The following LRTM1 variants were observed in gnomAD, a reference collection of about 807,000 sequenced individuals.
LRTM1 encodes the protein leucine rich repeat transmembrane protein 1, also known as leucine-rich repeat and transmembrane domain-containing protein 1.
Under a neutral mutation model 32.4 loss-of-function variants are expected in LRTM1, and 38 were observed. The ratio of observed to expected loss-of-function variants is 1.17; its 90% CI spans 0.91 to 1.54. The LOEUF (loss-of-function observed/expected upper bound fraction) is 1.54, where lower values mean the gene tolerates loss of function less well. Among genes scored for constraint, LRTM1 ranks in the 40% most tolerant of loss-of-function variants. The pLI is 0.00. For synonymous variants in LRTM1, 186 were observed against 169.9 expected, an observed-to-expected ratio of 1.09 and a Z score of -0.74; for missense variants, 466 against 415.4, an observed-to-expected ratio of 1.12 and a Z score of -1.06.
chr3:54,920,344 G>T (rs907603790), intron 2 of LRTM1, among the ~76,000 whole-genome samples: 2 of 152,184 alleles, frequency 1.3e-5, no homozygotes, highest in African/African-American at 4.8e-5. Flanking sequence ...ACACACCAGG[G>T]TGAGTGGCAG....
intron 2 of LRTM1, 87 bp downstream of exon 2, chr3:54,924,532 C>T (rs542608000): frequency 1.6e-4 from 183 of 1,142,492 alleles, no homozygotes; most frequent in Admixed American, 3.8e-4. Context: ...ACACACTCCT[C>T]CACATTCTTT....
intron 2 of LRTM1, among the ~76,000 whole-genome samples, chr3:54,919,117 G>A (rs1700759629): frequency 6.6e-6 from 1 of 151,976 alleles, no homozygotes; most frequent in African/African-American, 2.4e-5. Flanking sequence ...TTATGACCAA[G>A]AATTCATTAG....
intron 1 of LRTM1, among the ~76,000 whole-genome samples, chr3:54,962,008 C>G (rs1460968476): frequency 6.6e-6 from 1 of 152,036 alleles, no homozygotes; most frequent in African/African-American, 2.4e-5. Context: ...ACTCAGGTCT[C>G]TCTCCCTCTT....
intron 1 of LRTM1, among the ~76,000 whole-genome samples, chr3:54,960,314 T>C (rs1250068726): frequency 6.6e-6 from 1 of 152,170 alleles, no homozygotes; most frequent in Admixed American, 6.5e-5. Context: ...TGCTTTGTTA[T>C]TTAAAAGCAT....
At position 54,956,044 on chromosome 3, in the gene LRTM1, C is replaced by T. The variant is rs116237254; in HGVS notation, c.-222+10884G>A. 5.1e-3 allele frequency among the ~76,000 whole-genome samples: 771 copies of T among 152,304 alleles called. 9 individuals are homozygous for T. The highest frequency in any genetic ancestry group is 0.017 in the African/African-American group (726 of 41,536). Reference sequence around the variant, plus strand: ...CGTGATTACTCCAGAGTGCCGTCCGCCCCTCCTTAATGTTTCCCTGTCTCC... The same window carrying T: ...CGTGATTACTCCAGAGTGCCGTCCGTCCCTCCTTAATGTTTCCCTGTCTCC... On this transcript the variant is annotated intron_variant, in intron 1 of 2. Transcript: ENST00000493075.
chr3:54,940,105 A>C (rs1055984146), intron 1 of LRTM1, among the ~76,000 whole-genome samples: 1 of 152,066 alleles, frequency 6.6e-6, no homozygotes, highest in Admixed American at 6.6e-5. Flanking sequence ...GTCAGGAAAA[A>C]ACCACACACT....
intron 1 of LRTM1, among the ~76,000 whole-genome samples, chr3:54,954,894 G>T (rs983874223): frequency 1.3e-5 from 2 of 152,150 alleles, no homozygotes; most frequent in African/African-American, 4.8e-5. Flanking sequence ...CATGAGAGGC[G>T]CCGATTAACC....
Position 54,919,472 on chromosome 3 carries a change from T to C in LRTM1, c.605-580A>G, listed in dbSNP as rs565276875. On this transcript the variant is annotated intron_variant, in intron 2 of 2. Transcript: ENST00000273286. ...GTTTAGTTCCTGGAATTCGGTACCA[T>C]GAATGTGTCTCCTCAGGCCTCAGAA... Among the ~76,000 whole-genome samples the C allele has an allele frequency of 5.9e-5, 9 of 152,324 alleles. No homozygotes were observed. In the South Asian group the frequency reaches 1.9e-3, roughly 32 times the overall value.
At chr3:54,921,892 G>A (rs1278143699) in intron 2 of LRTM1, among the ~76,000 whole-genome samples, 1 of 152,122 alleles carries the variant, frequency 6.6e-6, no homozygotes, top group Non-Finnish European at 1.5e-5. Context: ...TACCTGTAGT[G>A]TTTGCATTTG....
chr3:54,925,809 A>G (rs1415323728), intron 1 of LRTM1, among the ~76,000 whole-genome samples: 1 of 152,224 alleles, frequency 6.6e-6, no homozygotes, highest in Non-Finnish European at 1.5e-5. Flanking sequence ...CAGTAGCCAC[A>G]TGTGGCTAAT....
At chr3:54,919,602 G>A (rs529208005) in intron 2 of LRTM1, among the ~76,000 whole-genome samples, 1 of 152,038 alleles carries the variant, frequency 6.6e-6, no homozygotes, top group Non-Finnish European at 1.5e-5. Context: ...CTGTTGGTCG[G>A]GGGAATTTGG....
At position 54,918,903 on chromosome 3, in the gene LRTM1, CA is replaced by C. The variant is rs1700750246; in HGVS notation, c.605-12del. The C allele has an allele frequency of 6.6e-7, 1 of 1,515,616 alleles. No individual in the cohort carries two copies. Among genetic ancestry groups the C allele is most frequent in the African/African-American group, 1.4e-5 (1 of 71,728 alleles). The allele number at this position is 1,515,616 out of a possible 1,614,324, so 93.9% of individuals were successfully genotyped here. ...CGTCTGTTAGTCCCCCTTTAAAAAA[CA>C]AAAGCAAAGAACAATAACAAAGCCT... On this transcript the variant is annotated splice_polypyrimidine_tract_variant and intron_variant, in intron 2 of 2. Coordinates refer to ENST00000273286, the MANE Select transcript of LRTM1 (RefSeq NM_020678.4).
intron 2 of LRTM1, among the ~76,000 whole-genome samples, chr3:54,923,915 A>G (rs575558032): frequency 6.6e-6 from 1 of 152,334 alleles, no homozygotes; most frequent in East Asian, 1.9e-4. Context: ...GTGCAAAGCA[A>G]CCACTCACTC....
At chr3:54,951,266 C>T (rs1277529226) in intron 1 of LRTM1, among the ~76,000 whole-genome samples, 1 of 152,156 alleles carries the variant, frequency 6.6e-6, no homozygotes, top group Non-Finnish European at 1.5e-5. Context: ...GACATCTCAC[C>T]CACAAATCCT....
At chr3:54,933,208 C>A (rs1226502947) in intron 1 of LRTM1, among the ~76,000 whole-genome samples, 1 of 152,098 alleles carries the variant, frequency 6.6e-6, no homozygotes, top group Non-Finnish European at 1.5e-5. Flanking sequence ...AAATGACAAT[C>A]CCATTAATCA....
At chr3:54,933,214 A>G (rs1701247294) in intron 1 of LRTM1, among the ~76,000 whole-genome samples, 2 of 152,220 alleles carry the variant, frequency 1.3e-5, no homozygotes, top group African/African-American at 4.8e-5. Flanking sequence ...CAATCCCATT[A>G]ATCATGTATT....
chr3:54,937,168 C>T lies in LRTM1; in HGVS notation c.-221-11953G>A, dbSNP rs530507565. Among the ~76,000 whole-genome samples the T allele has an allele frequency of 6.4e-4, 97 of 152,208 alleles. 1 individual carries two copies. The highest frequency in any genetic ancestry group is 1.9e-4 in the Non-Finnish European group (13 of 68,030). On this transcript the variant is annotated intron_variant, in intron 1 of 2. Transcript: ENST00000493075. ...AAGGTGTGCTCAAGGGACTCTCATT[C>T]TGGACCCCTTTGTGTGTATTCTTTC...
chr3:54,922,978 A>G (rs542206671), intron 2 of LRTM1, among the ~76,000 whole-genome samples: 16 of 152,266 alleles, frequency 1.1e-4, no homozygotes, highest in African/African-American at 3.6e-4. Flanking sequence ...CAGTATTCCA[A>G]GTATCTCCCA....
At chr3:54,965,330 C>T (rs1198468233) in intron 1 of LRTM1, among the ~76,000 whole-genome samples, 1 of 152,192 alleles carries the variant, frequency 6.6e-6, no homozygotes, top group East Asian at 1.9e-4. Flanking sequence ...CCATTCTTCT[C>T]AAGCCTCCAA....
Sources: gnomAD v4.1 joint callset for allele counts (sites outside exome capture counted in the v4.1 genomes callset) on GRCh38, gnomAD v4.1.1 for gene constraint, MANE v1.5 for transcripts, NCBI Gene and HGNC (gene_info 2026-07-23, HGNC 2026-07-21) for gene names.